KCNQ5: variants seen among roughly 807,000 people sequenced by gnomAD.
KCNQ5 encodes potassium voltage-gated channel subfamily KQT member 5.
A neutral mutation model predicts 98.2 loss-of-function variants in KCNQ5; 30 were observed. The observed-to-expected ratio is 0.31, with a 90% confidence interval of 0.23 to 0.41. The LOEUF is 0.41. Among genes scored for constraint, KCNQ5 ranks in the 10% least tolerant of loss-of-function variants. KCNQ5 has a pLI of 1.00. For missense variants in KCNQ5, 835 were observed against 1,182.5 expected (o/e 0.71, Z 4.31); for synonymous variants, 458 against 449.4 (o/e 1.02, Z -0.24).
chr6:72,945,370 AT>A (rs952915048), intron 1 of KCNQ5, among the ~76,000 whole-genome samples: 1 of 150,998 alleles, frequency 6.6e-6, no homozygotes, highest in Non-Finnish European at 1.5e-5. Flanking sequence ...ATCATTTAAC[AT>A]TAGGTATATC....
intron 1 of KCNQ5, among the ~76,000 whole-genome samples, chr6:72,698,371 T>C (rs6934995): frequency 0.12 from 17,901 of 151,884 alleles, 1,724 homozygotes; most frequent in African/African-American, 0.26. Flanking sequence ...GCCTGGCTAA[T>C]TTTGTGTTTT....
chr6:73,008,734 A>G (rs1362929867), intron 2 of KCNQ5, among the ~76,000 whole-genome samples: 2 of 152,144 alleles, frequency 1.3e-5, no homozygotes, highest in African/African-American at 2.4e-5. Flanking sequence ...AAAACAGAAG[A>G]CTTAACACAA....
chr6:72,907,872 T>G (rs1779765331), intron 1 of KCNQ5, among the ~76,000 whole-genome samples: 1 of 152,064 alleles, frequency 6.6e-6, no homozygotes, highest in African/African-American at 2.4e-5. Context: ...ACTTAAAAGA[T>G]GTAATGTTCC....
chr6:72,988,276 G>A (rs959789118), intron 1 of KCNQ5, among the ~76,000 whole-genome samples: 2 of 152,100 alleles, frequency 1.3e-5, no homozygotes, highest in African/African-American at 4.8e-5. Context: ...GAAGTTCAGG[G>A]ATAAAGTAAT....
At chr6:72,719,303 G>A (rs1769824899) in intron 1 of KCNQ5, among the ~76,000 whole-genome samples, 1 of 152,166 alleles carries the variant, frequency 6.6e-6, no homozygotes, top group Non-Finnish European at 1.5e-5. Flanking sequence ...TCTGCATTAG[G>A]CATCCCTTGC....
chr6:72,815,235 G>A (rs940159194), intron 1 of KCNQ5, among the ~76,000 whole-genome samples: 2 of 152,078 alleles, frequency 1.3e-5, no homozygotes, highest in Admixed American at 1.3e-4. Flanking sequence ...ACACACGCCT[G>A]GCACATAGAA....
intron 1 of KCNQ5, among the ~76,000 whole-genome samples, chr6:72,953,585 G>C (rs1766906884): frequency 6.6e-6 from 1 of 152,062 alleles, no homozygotes; most frequent in South Asian, 2.1e-4. Context: ...TCTTAAGGCA[G>C]CCCCCACCAA....
intron 1 of KCNQ5, among the ~76,000 whole-genome samples, chr6:72,683,623 T>G (rs1460937608): frequency 6.6e-6 from 1 of 152,032 alleles, no homozygotes; most frequent in African/African-American, 2.4e-5. Context: ...TGCCTCGGCC[T>G]CCCAAAGGGC....
chr6:72,976,277 T>C (rs1014410864), intron 1 of KCNQ5, among the ~76,000 whole-genome samples: 4 of 152,198 alleles, frequency 2.6e-5, no homozygotes, highest in Non-Finnish European at 4.4e-5. Flanking sequence ...TTTACAACCT[T>C]TTTACGGAAA....
At chr6:72,709,835 C>A (rs555165962) in intron 1 of KCNQ5, among the ~76,000 whole-genome samples, 1 of 152,050 alleles carries the variant, frequency 6.6e-6, no homozygotes, top group Non-Finnish European at 1.5e-5. Flanking sequence ...GTATATTGAG[C>A]GCTCCCTGTG....
intron 1 of KCNQ5, among the ~76,000 whole-genome samples, chr6:72,793,052 A>G (rs982283648): frequency 6.6e-6 from 1 of 152,182 alleles, no homozygotes; most frequent in Non-Finnish European, 1.5e-5. Flanking sequence ...CAGGCATTAT[A>G]TGGCAAGAGA....
chr6:72,822,148 A>G (rs751836261), intron 1 of KCNQ5, among the ~76,000 whole-genome samples: 5 of 152,072 alleles, frequency 3.3e-5, no homozygotes, highest in Non-Finnish European at 7.4e-5. Flanking sequence ...GATCTCTAGT[A>G]CCTTCTGTGA....
At chr6:72,776,860 C>T (rs1773186549) in intron 1 of KCNQ5, among the ~76,000 whole-genome samples, 1 of 152,026 alleles carries the variant, frequency 6.6e-6, no homozygotes, top group Non-Finnish European at 1.5e-5. Flanking sequence ...AGAAACAAGC[C>T]AGCAGACATG....
chr6:73,067,934 CTAAAGA>C (rs1250378950), intron 3 of KCNQ5, among the ~76,000 whole-genome samples: 1 of 150,668 alleles, frequency 6.6e-6, no homozygotes, highest in Admixed American at 6.6e-5. Flanking sequence ...ATCTTACCAC[CTAAAGA>C]TAATCACCAT....
At chr6:73,043,469 G>T (rs920185805) in intron 3 of KCNQ5, among the ~76,000 whole-genome samples, 44 of 152,166 alleles carry the variant, frequency 2.9e-4, no homozygotes, top group Non-Finnish European at 6.2e-4. Flanking sequence ...GGTTCATAAA[G>T]CCCCAAGGCA....
intron 1 of KCNQ5, among the ~76,000 whole-genome samples, chr6:73,002,123 C>T (rs998841389): frequency 1.3e-5 from 2 of 152,028 alleles, no homozygotes; most frequent in Non-Finnish European, 2.9e-5. Context: ...GAGGAAGACC[C>T]TATTTCTAAA....
At chr6:72,854,758 T>TTGTGTGTGTGTG (rs34867008) in intron 1 of KCNQ5, among the ~76,000 whole-genome samples, 70 of 127,156 alleles carry the variant, frequency 5.5e-4, no homozygotes, top group African/African-American at 2.0e-3. Flanking sequence ...ACACCATGGT[T>TTGTGTGTGTGTG]TGTGTGTGTG....
At chr6:73,046,780 C>T (rs1018082761) in intron 3 of KCNQ5, among the ~76,000 whole-genome samples, 1 of 151,902 alleles carries the variant, frequency 6.6e-6, no homozygotes, top group Non-Finnish European at 1.5e-5. Flanking sequence ...GTAGCTGGGA[C>T]TACAGGCACA....
intron 1 of KCNQ5, among the ~76,000 whole-genome samples, chr6:72,740,148 G>A (rs1421299790): frequency 1.3e-5 from 2 of 152,218 alleles, no homozygotes; most frequent in Non-Finnish European, 2.9e-5. Context: ...CCTGGATAGT[G>A]ACATTGCAGA....
Sources: allele counts gnomAD v4.1 joint callset (sites outside exome capture counted in the v4.1 genomes callset), GRCh38; gene constraint gnomAD v4.1.1; transcripts MANE v1.5; gene names NCBI Gene and HGNC (gene_info 2026-07-23, HGNC 2026-07-21).